ANK3: variants seen among roughly 807,000 people sequenced by gnomAD.
ANK3 encodes the protein ankyrin 3.
ANK3 carries 57 observed loss-of-function variants against 370.9 expected under a neutral mutation model. That is an observed-to-expected ratio of 0.15 (90% CI 0.12 to 0.19). The LOEUF (loss-of-function observed/expected upper bound fraction) is 0.19, where lower values mean the gene tolerates loss of function less well. Among genes scored for constraint, ANK3 ranks in the 10% least tolerant of loss-of-function variants. The pLI, the probability that ANK3 is intolerant of heterozygous loss-of-function variation, is 1.00. For synonymous variants in ANK3, 1,929 were observed against 1,946.3 expected (o/e 0.99, Z 0.23); for missense variants, 4,439 against 5,302.1 (o/e 0.84, Z 5.06).
intron 1 of ANK3, among the ~76,000 whole-genome samples, chr10:60,290,163 C>T (rs1036491804): frequency 2.0e-5 from 3 of 152,148 alleles, no homozygotes; most frequent in Non-Finnish European, 4.4e-5. Context: ...ACGAAAACAA[C>T]GGTGACATTC....
rs147863456 is a variant in ANK3, at chr10:60,073,433, G to A, written c.7448C>T (p.Ser2483Leu). The change falls in exon 37 of 44, where the codon TCG becomes TTG. Residue 2483 changes from serine to leucine, a missense_variant. This residue lies in a region of ANK3 where 1,601 missense variants were observed against 1,731.7 expected (regional missense o/e 0.92). Transcript: ENST00000280772. Reference protein sequence around the residue: ...LDVSHSDTEESVTDHAGPPSS... With the variant: ...LDVSHSDTEELVTDHAGPPSS... ...AGGGGGTCCTGCATGGTCTGTAACC[G>A]ATTCCTCAGTATCAGAATGAGACAC... is the stretch of plus-strand genomic sequence containing the variant. 1.4e-5 allele frequency: 22 copies of A among 1,613,788 alleles called. No individual in the cohort carries two copies. The highest frequency in any genetic ancestry group is 6.7e-5 in the East Asian group (3 of 44,850).
chr10:60,444,777 T>C (rs1482851505), intron 2 of ANK3, among the ~76,000 whole-genome samples: 1 of 152,194 alleles, frequency 6.6e-6, no homozygotes, highest in African/African-American at 2.4e-5. Flanking sequence ...CAGTTTTGAA[T>C]TGTGAATACA....
chr10:60,349,339 A>C (rs1445853714), intron 1 of ANK3, among the ~76,000 whole-genome samples: 2 of 152,194 alleles, frequency 1.3e-5, no homozygotes, highest in Non-Finnish European at 2.9e-5. Flanking sequence ...AGAGTACAAA[A>C]ACCTCATGTG....
At chr10:60,432,087 A>T (rs1343711177) in intron 2 of ANK3, among the ~76,000 whole-genome samples, 1 of 152,226 alleles carries the variant, frequency 6.6e-6, no homozygotes, top group Non-Finnish European at 1.5e-5. Context: ...CCCTGTTTAT[A>T]AATAAGTACT....
Position 60,502,811 on chromosome 10 carries a change from G to A in ANK3, c.96+112375C>T, listed in dbSNP as rs186485678. 9.4e-4 allele frequency among the ~76,000 whole-genome samples: 89 copies of A among 95,028 alleles called. 2 individuals are homozygous for A. The South Asian group carries it at 0.029, about 31-fold the overall frequency. The allele number at this position is 95,028 out of a possible 152,430, so 62.3% of individuals were successfully genotyped here. A position where few individuals can be genotyped will look rare whatever the true frequency, so the allele number is the denominator to read the frequency against. ...AAGAAAAAAGAAAAGAAAGAAAAAA[G>A]AGAAGAAAAGAAAAGAAAGAAGGAG... On this transcript the variant is annotated intron_variant, in intron 2 of 43. Coordinates refer to the ANK3 transcript ENST00000373827.
intron 1 of ANK3, among the ~76,000 whole-genome samples, chr10:60,615,495 A>G (rs1270567865): frequency 6.6e-6 from 1 of 152,186 alleles, no homozygotes; most frequent in Non-Finnish European, 1.5e-5. Flanking sequence ...ATTTTTAAAA[A>G]TGAAATTGTG....
At chr10:60,219,468 C>T (rs894213977) in intron 8 of ANK3, among the ~76,000 whole-genome samples, 2 of 152,126 alleles carry the variant, frequency 1.3e-5, no homozygotes, top group Non-Finnish European at 2.9e-5. Context: ...GCCCCCGCCA[C>T]CTCAGGGGTT....
chr10:60,051,631 CAAGA>C, intron 42 of ANK3: 1 of 440,416 alleles, frequency 2.3e-6, no homozygotes, highest in African/African-American at 2.2e-5. Flanking sequence ...GAAGGGAAAT[CAAGA>C]AAGAATTACA....
At chr10:60,508,972 C>G (rs2076009918) in intron 2 of ANK3, among the ~76,000 whole-genome samples, 1 of 152,112 alleles carries the variant, frequency 6.6e-6, no homozygotes, top group Non-Finnish European at 1.5e-5. Flanking sequence ...CAGGAAGTGT[C>G]TAATGATTGT....
chr10:60,279,205 A>T (rs1327572108), intron 2 of ANK3, 57 bp from the exon 3 acceptor site: 1 of 1,465,290 alleles, frequency 6.8e-7, no homozygotes, highest in Non-Finnish European at 9.5e-7. Flanking sequence ...AGCAGTAAAC[A>T]ACCGACCAAG....
chr10:60,076,327 C>T lies in ANK3; in HGVS notation c.4554G>A (p.Lys1518=), dbSNP rs374149883. 2 of 1,613,946 alleles carry T rather than the reference C, an allele frequency of 1.2e-6. No individual in the cohort carries two copies. The highest frequency in any genetic ancestry group is 1.7e-6 in the Non-Finnish European group (2 of 1,179,992). ...TAPITVPGPA[K]SGFTSLSSSS... is the part of the protein sequence containing the mutation. ...AACTTGATAAGGAAGTGAAGCCTGA[C>T]TTGGCTGGCCCAGGCACTGTAATCG... Residue 1518 remains lysine, a synonymous_variant, in exon 37 of 44, where the codon AAG becomes AAA. Transcript: ENST00000280772.
chr10:60,556,167 T>C (rs1314594484), intron 2 of ANK3, among the ~76,000 whole-genome samples: 2 of 152,190 alleles, frequency 1.3e-5, no homozygotes, highest in African/African-American at 2.4e-5. Flanking sequence ...AATTACATAC[T>C]ATTTGAGCCA....
In ANK3 at chr10:60,028,094, T is replaced by TAGA. The variant is rs1357529670; in HGVS notation, c.*1749_*1751dup. On this transcript the variant is annotated 3_prime_UTR_variant, in exon 44 of 44. Coordinates refer to ENST00000280772, the MANE Select transcript of ANK3 (RefSeq NM_020987.5). ...AAAGCAACTGCATGTTGATGGTTCC[T>TAGA]AGAAGTGCCAGTCAACTTTTTGACA... is the stretch of plus-strand genomic sequence containing the variant. 2 of 152,236 alleles carry TAGA rather than the reference T, an allele frequency of 1.3e-5. No individual in the cohort carries two copies. The highest frequency in any genetic ancestry group is 3.8e-4 in the East Asian group (2 of 5,206). The allele number at this position is 152,236 out of a possible 1,614,324, so 9.4% of individuals were successfully genotyped here.
At chr10:60,539,435 A>G (rs1415756371) in intron 2 of ANK3, among the ~76,000 whole-genome samples, 2 of 152,088 alleles carry the variant, frequency 1.3e-5, no homozygotes, top group East Asian at 3.9e-4. Flanking sequence ...CAAAGACATG[A>G]GTTCTAGAAT....
chr10:60,428,515 C>T (rs1016942163), intron 2 of ANK3, among the ~76,000 whole-genome samples: 9 of 152,208 alleles, frequency 5.9e-5, no homozygotes, highest in African/African-American at 2.2e-4. Context: ...TGCTTCATCA[C>T]TACACCATGA....
In ANK3 at chr10:60,178,922, G is replaced by T. The variant is rs113998940; in HGVS notation, c.2184+2407C>A. On this transcript the variant is annotated intron_variant, in intron 18 of 43. Coordinates refer to ENST00000280772, the MANE Select transcript of ANK3 (RefSeq NM_020987.5). Reference sequence around the variant, plus strand: ...TGGTGAACTTCAAATGCAAAAGGGGGGTGGGGTATAAAGGGTCAGCAAACT... The same window carrying T: ...TGGTGAACTTCAAATGCAAAAGGGGTGTGGGGTATAAAGGGTCAGCAAACT... Among the ~76,000 whole-genome samples the T allele has an allele frequency of 8.6e-4, 131 of 152,122 alleles. 1 individual carries two copies. Among genetic ancestry groups the T allele is most frequent in the African/African-American group, 3.1e-3 (128 of 41,490 alleles).
intron 1 of ANK3, among the ~76,000 whole-genome samples, chr10:60,658,279 T>C (rs1391382331): frequency 1.4e-4 from 22 of 152,074 alleles, no homozygotes; most frequent in Non-Finnish European, 5.9e-5. Flanking sequence ...TGCCTTGTTT[T>C]CTATTAATCA....
At chr10:60,063,375 T>C in intron 39 of ANK3, 121 bp from the exon 40 acceptor site, 2 of 909,716 alleles carry the variant, frequency 2.2e-6, no homozygotes, top group Middle Eastern at 2.6e-4. Flanking sequence ...TCTTACTCCA[T>C]CTCTGCAATC....
At chr10:60,571,353 T>C (rs2077594883) in intron 2 of ANK3, among the ~76,000 whole-genome samples, 1 of 152,176 alleles carries the variant, frequency 6.6e-6, no homozygotes, top group South Asian at 2.1e-4. Flanking sequence ...ATTAACCTTT[T>C]AATTAATAAT....
Sources: gnomAD v4.1 joint callset for allele counts (sites outside exome capture counted in the v4.1 genomes callset) on GRCh38, gnomAD v4.1.1 for gene constraint, gnomAD v4.1.1 regional missense constraint, MANE v1.5 for transcripts, NCBI Gene and HGNC (gene_info 2026-07-23, HGNC 2026-07-21) for gene names.